Variants in ST8SIA4 observed in about 807,000 individuals in gnomAD.
The protein encoded by ST8SIA4 is ST8 alpha-N-acetyl-neuraminide alpha-2,8-sialyltransferase 4.
ST8SIA4 carries 15 observed loss-of-function variants against 33.9 expected under a neutral mutation model. The ratio of observed to expected loss-of-function variants is 0.44; its 90% CI spans 0.30 to 0.68. ST8SIA4 has a LOEUF of 0.68. Among genes scored for constraint, ST8SIA4 ranks in the 30% least tolerant of loss-of-function variants. The probability of loss-of-function intolerance (pLI) is 0.10; values close to 1 mark genes in which losing one functional copy is unlikely to be tolerated. For missense variants in ST8SIA4, 321 were observed against 428.0 expected, an observed-to-expected ratio of 0.75 and a Z score of 2.21; for synonymous variants, 171 against 151.2, an observed-to-expected ratio of 1.13 and a Z score of -0.96.
At position 100,864,873 on chromosome 5, in the gene ST8SIA4, T is replaced by G. The variant is rs76772956; in HGVS notation, c.504-8477A>C. Among the ~76,000 whole-genome samples, 1,101 of 152,340 alleles carry G rather than the reference T, an allele frequency of 7.2e-3. 10 individuals are homozygous for G. The highest frequency in any genetic ancestry group is 0.021 in the African/African-American group (890 of 41,580). On this transcript the variant is annotated intron_variant, in intron 3 of 4. Coordinates refer to ENST00000231461, the MANE Select transcript of ST8SIA4 (RefSeq NM_005668.6). ...TATAATGTTTATTATTTAATTTGAC[T>G]ACTTGTGACATTTGCATAGTGTTTC...
intron 4 of ST8SIA4, among the ~76,000 whole-genome samples, chr5:100,841,459 A>C (rs955058040): frequency 6.6e-6 from 1 of 151,864 alleles, no homozygotes; most frequent in Admixed American, 6.6e-5. Flanking sequence ...ATGACAAGAA[A>C]TATCCTCTCC....
chr5:100,832,601 C>G (rs750495210), intron 4 of ST8SIA4, among the ~76,000 whole-genome samples: 1 of 151,958 alleles, frequency 6.6e-6, no homozygotes, highest in Non-Finnish European at 1.5e-5. Context: ...TAATACATCC[C>G]TAACTAACTT....
intron 3 of ST8SIA4, among the ~76,000 whole-genome samples, chr5:100,882,807 A>T (rs960349326): frequency 2.0e-5 from 3 of 152,218 alleles, no homozygotes; most frequent in Non-Finnish European, 4.4e-5. Flanking sequence ...CAGCTCCCAT[A>T]AGGTGTTGAG....
chr5:100,837,903 T>C (rs1751395629), intron 4 of ST8SIA4, among the ~76,000 whole-genome samples: 1 of 152,048 alleles, frequency 6.6e-6, no homozygotes, highest in South Asian at 2.1e-4. Flanking sequence ...TGCCCAAGAA[T>C]GTCTTAATGT....
At chr5:100,898,877 G>A (rs1313958969) in intron 1 of ST8SIA4, among the ~76,000 whole-genome samples, 1 of 152,114 alleles carries the variant, frequency 6.6e-6, no homozygotes, top group African/African-American at 2.4e-5. Context: ...GGAAAATAGC[G>A]AAACACATCA....
At chr5:100,848,472 TAC>T (rs1187577500) in intron 4 of ST8SIA4, among the ~76,000 whole-genome samples, 1 of 144,774 alleles carries the variant, frequency 6.9e-6, no homozygotes, top group Non-Finnish European at 1.5e-5. Flanking sequence ...ACAAAGAATA[TAC>T]ACATATATAC....
chr5:100,812,180 G>C lies in ST8SIA4; in HGVS notation c.798-51C>G, dbSNP rs528199574. 1.0e-4 allele frequency: 153 copies of C among 1,511,016 alleles called. 1 individual carries two copies. The highest frequency in any genetic ancestry group is 1.3e-4 in the Non-Finnish European group (149 of 1,114,370). The allele number at this position is 1,511,016 out of a possible 1,614,324, so 93.6% of individuals were successfully genotyped here. ...GAAGAGAAGAATTTAGACACACATA[G>C]AGCATATCCTATAGCAAGTATATAA... On this transcript the variant is annotated intron_variant, in intron 4 of 4. Transcript: ENST00000231461.
chr5:100,862,325 C>T (rs1751963151), intron 3 of ST8SIA4, among the ~76,000 whole-genome samples: 1 of 152,142 alleles, frequency 6.6e-6, no homozygotes, highest in Non-Finnish European at 1.5e-5. Flanking sequence ...TAACATAATT[C>T]ACATAGAAGA....
chr5:100,899,056 A>T (rs1016313645), intron 1 of ST8SIA4, among the ~76,000 whole-genome samples: 1 of 152,168 alleles, frequency 6.6e-6, no homozygotes, highest in African/African-American at 2.4e-5. Context: ...AATTTACTTC[A>T]TTAGTTTTGC....
chr5:100,863,864 G>T (rs1412674820), intron 3 of ST8SIA4, among the ~76,000 whole-genome samples: 1 of 152,208 alleles, frequency 6.6e-6, no homozygotes, highest in African/African-American at 2.4e-5. Flanking sequence ...CGGACAAGTG[G>T]TAAGGACGGC....
intron 4 of ST8SIA4, among the ~76,000 whole-genome samples, chr5:100,829,671 A>G (rs1192954217): frequency 6.6e-6 from 1 of 152,144 alleles, no homozygotes; most frequent in East Asian, 1.9e-4. Flanking sequence ...GCACTTTGGG[A>G]GGCCGAAGCG....
At chr5:100,849,589 T>C in intron 4 of ST8SIA4, 1 of 315,582 alleles carries the variant, frequency 3.2e-6, no homozygotes, top group Non-Finnish European at 4.6e-6. Context: ...GAGAGCAGCC[T>C]GGCCAACATG....
chr5:100,819,099 C>T (rs1382151714), intron 4 of ST8SIA4, among the ~76,000 whole-genome samples: 2 of 152,062 alleles, frequency 1.3e-5, no homozygotes, highest in African/African-American at 4.8e-5. Flanking sequence ...TCACATGATC[C>T]TCATAAAATA....
intron 2 of ST8SIA4, among the ~76,000 whole-genome samples, chr5:100,893,080 A>C (rs1752708325): frequency 6.6e-6 from 1 of 152,194 alleles, no homozygotes; most frequent in Non-Finnish European, 1.5e-5. Context: ...ACCCACACCC[A>C]ATCACTGACC....
intron 4 of ST8SIA4, among the ~76,000 whole-genome samples, chr5:100,822,076 G>T (rs1486617733): frequency 6.6e-6 from 1 of 152,170 alleles, no homozygotes; most frequent in African/African-American, 2.4e-5. Flanking sequence ...CAAAATTAGA[G>T]AAAAACTTTC....
intron 2 of ST8SIA4, among the ~76,000 whole-genome samples, chr5:100,886,833 T>C (rs1249130169): frequency 6.6e-6 from 1 of 152,110 alleles, no homozygotes; most frequent in African/African-American, 2.4e-5. Context: ...ACTGTATACA[T>C]AGATATAGTA....
At chr5:100,901,858 T>TCA (rs1392806077) in intron 1 of ST8SIA4, among the ~76,000 whole-genome samples, 3 of 152,036 alleles carry the variant, frequency 2.0e-5, no homozygotes, top group East Asian at 3.9e-4. Flanking sequence ...TCTCTCTCTC[T>TCA]CACACACACA....
chr5:100,855,876 T>G (rs932409640), intron 4 of ST8SIA4, among the ~76,000 whole-genome samples: 2 of 152,212 alleles, frequency 1.3e-5, no homozygotes, highest in Non-Finnish European at 2.9e-5. Context: ...TGAACACACA[T>G]AAATAAGTGC....
chr5:100,812,238 A>G, intron 4 of ST8SIA4, 109 bp from the exon 5 acceptor site: 4 of 838,942 alleles, frequency 4.8e-6, no homozygotes, highest in Non-Finnish European at 6.8e-6. Flanking sequence ...TTTATGAATA[A>G]TATTTTAAAG....
Sources: allele counts gnomAD v4.1 joint callset (sites outside exome capture counted in the v4.1 genomes callset), GRCh38; gene constraint gnomAD v4.1.1; transcripts MANE v1.5; gene names NCBI Gene and HGNC (gene_info 2026-07-23, HGNC 2026-07-21).